ERICH6: variants seen among roughly 807,000 people sequenced by gnomAD.
ERICH6 encodes the protein glutamate-rich protein 6.
ERICH6 carries 71 observed loss-of-function variants against 71.0 expected under a neutral mutation model. The observed-to-expected ratio is 1.00, with a 90% CI of 0.83 to 1.22. ERICH6 has a LOEUF of 1.22. Among genes scored for constraint, ERICH6 ranks in the 50% most tolerant of loss-of-function variants. The pLI, the probability that ERICH6 is intolerant of heterozygous loss-of-function variation, is 0.00. For synonymous variants in ERICH6, 262 were observed against 278.4 expected (o/e 0.94, Z 0.59); for missense variants, 808 against 797.2 (o/e 1.01, Z -0.16).
At chr3:150,667,109 G>T in intron 12 of ERICH6, 94 bp from the exon 13 acceptor site, 2 of 1,153,856 alleles carry the variant, frequency 1.7e-6, no homozygotes, top group Non-Finnish European at 2.5e-6. Context: ...GGGAGTAACG[G>T]TTTATGCCAG....
At chr3:150,685,697 G>A in intron 6 of ERICH6, 45 bp downstream of exon 6, 2 of 1,361,148 alleles carry the variant, frequency 1.5e-6, no homozygotes, top group East Asian at 4.8e-5. Flanking sequence ...GTTTTCTTAT[G>A]TCATTTTTTT....
intron 7 of ERICH6, among the ~76,000 whole-genome samples, chr3:150,681,198 CCTT>C (rs1487026481): frequency 6.6e-6 from 1 of 152,212 alleles, no homozygotes; most frequent in Non-Finnish European, 1.5e-5. Flanking sequence ...CACTTCCTCT[CCTT>C]TCTTCTTCAC....
Position 150,682,472 on chromosome 3 carries a change from G to C in ERICH6, c.784-156C>G, listed in dbSNP as rs182933930. On this transcript the variant is annotated intron_variant, in intron 6 of 13. Coordinates refer to ENST00000295910, the MANE Select transcript of ERICH6 (RefSeq NM_152394.5). ...TGATATCACTTCCATTTAAGGGCTG[G>C]TGAGGCTTCAGGAGCCTGAGGTGGT... Among the ~76,000 whole-genome samples, 6 of 152,182 alleles carry C rather than the reference G, an allele frequency of 3.9e-5. No individual in the cohort carries two copies. In the South Asian group the frequency reaches 1.2e-3, roughly 32 times the overall value.
intron 11 of ERICH6, among the ~76,000 whole-genome samples, chr3:150,670,339 A>G (rs976596858): frequency 1.3e-5 from 2 of 151,850 alleles, no homozygotes; most frequent in African/African-American, 4.8e-5. Context: ...AAAAATAGCC[A>G]GGCATGGTGG....
At chr3:150,700,966 C>T (rs1171807019) in intron 2 of ERICH6, among the ~76,000 whole-genome samples, 1 of 152,174 alleles carries the variant, frequency 6.6e-6, no homozygotes, top group African/African-American at 2.4e-5. Context: ...ACTGGTTTGT[C>T]AACATAGAAG....
intron 12 of ERICH6, among the ~76,000 whole-genome samples, chr3:150,668,003 G>A (rs1257264859): frequency 1.3e-5 from 2 of 152,146 alleles, no homozygotes; most frequent in Non-Finnish European, 2.9e-5. Flanking sequence ...AAGTTACAGA[G>A]TATATACATA....
At chr3:150,695,593 G>A (rs1435011112) in intron 3 of ERICH6, among the ~76,000 whole-genome samples, 2 of 152,042 alleles carry the variant, frequency 1.3e-5, no homozygotes, top group African/African-American at 4.8e-5. Flanking sequence ...GCTTGAACCT[G>A]GGAGGCGGAG....
At chr3:150,660,610 A>G (rs895488272) in intron 13 of ERICH6, among the ~76,000 whole-genome samples, 2 of 152,190 alleles carry the variant, frequency 1.3e-5, no homozygotes, top group African/African-American at 4.8e-5. Flanking sequence ...CCCAACCTCC[A>G]GGAGGCCATT....
chr3:150,674,127 A>G lies in ERICH6; in HGVS notation c.1258-86T>C, dbSNP rs958441814. The G allele has an allele frequency of 3.8e-6, 4 of 1,039,924 alleles. No homozygotes were observed. In the African/African-American group the frequency reaches 6.5e-5, roughly 17 times the overall value. The allele number at this position is 1,039,924 out of a possible 1,614,324, so 64.4% of individuals were successfully genotyped here. ...CAACAATGGACATCAGCTGGTTACT[A>G]GACAGTCATACAAATCAATTATTAA... On this transcript the variant is annotated intron_variant, in intron 10 of 13. Coordinates refer to ENST00000295910, the MANE Select transcript of ERICH6 (RefSeq NM_152394.5).
At position 150,703,817 on chromosome 3, in the gene ERICH6, C is replaced by CTGA. The variant is rs1559924773; in HGVS notation, c.81_82insTCA (p.Glu27_Glu28insSer). 6.2e-7 allele frequency: 1 copy of CTGA among 1,613,638 alleles called. No homozygotes were observed. The highest frequency in any genetic ancestry group is 2.2e-5 in the East Asian group (1 of 44,858). On this transcript the variant is annotated inframe_insertion, in exon 1 of 14. Coordinates refer to ENST00000295910, the MANE Select transcript of ERICH6 (RefSeq NM_152394.5). ...TCCTCCACCTCTTCCTCCTCCTCCT[C>CTGA]CTCCTCTAACTCCTCCTCTGACTCC...
chr3:150,672,255 T>TTATATATATATA (rs929327217), intron 11 of ERICH6, among the ~76,000 whole-genome samples: 2 of 82,180 alleles, frequency 2.4e-5, no homozygotes, highest in African/African-American at 1.2e-4. Context: ...AAGAATCCAT[T>TTATATATATATA]TATATATACA....
chr3:150,702,046 A>T, intron 2 of ERICH6, 75 bp downstream of exon 2: 1 of 1,021,504 alleles, frequency 9.8e-7, no homozygotes, highest in Non-Finnish European at 1.5e-6. Flanking sequence ...ATTTTACTCT[A>T]CTTCCTAACA....
chr3:150,661,607 T>C (rs920910986), intron 13 of ERICH6, among the ~76,000 whole-genome samples: 1 of 152,164 alleles, frequency 6.6e-6, no homozygotes, highest in Non-Finnish European at 1.5e-5. Flanking sequence ...CCGAGGGACT[T>C]GAGAGAATAT....
intron 2 of ERICH6, among the ~76,000 whole-genome samples, chr3:150,699,142 CT>C (rs1051019079): frequency 1.2e-4 from 18 of 152,180 alleles, no homozygotes; most frequent in African/African-American, 4.1e-4. Context: ...GAGACCCTAT[CT>C]CTATAAAACA....
At chr3:150,701,286 A>G (rs1381417011) in intron 2 of ERICH6, among the ~76,000 whole-genome samples, 1 of 152,206 alleles carries the variant, frequency 6.6e-6, no homozygotes, top group African/African-American at 2.4e-5. Context: ...ATGTTAGAAA[A>G]ACTAAAAATA....
chr3:150,663,693 G>T (rs1426963457), intron 13 of ERICH6, among the ~76,000 whole-genome samples: 1 of 152,010 alleles, frequency 6.6e-6, no homozygotes, highest in Non-Finnish European at 1.5e-5. Context: ...GCCCAAGCTG[G>T]TCTCACACTC....
chr3:150,673,089 CTCCT>C (rs377475684), intron 11 of ERICH6, among the ~76,000 whole-genome samples: 9 of 150,698 alleles, frequency 6.0e-5, no homozygotes, highest in South Asian at 2.1e-4. Context: ...AGGGTAGTCT[CTCCT>C]TCCTTCCTTC....
intron 9 of ERICH6, among the ~76,000 whole-genome samples, chr3:150,680,097 T>C (rs780247259): frequency 1.3e-5 from 2 of 152,260 alleles, no homozygotes; most frequent in Non-Finnish European, 2.9e-5. Context: ...TGCTAATTTA[T>C]TTCAATGAAT....
chr3:150,674,270 A>C (rs1308527802), intron 10 of ERICH6, among the ~76,000 whole-genome samples: 1 of 152,118 alleles, frequency 6.6e-6, no homozygotes, highest in Non-Finnish European at 1.5e-5. Flanking sequence ...ATCTGACATT[A>C]CATATCTATT....
Sources: gnomAD v4.1 joint callset for allele counts (sites outside exome capture counted in the v4.1 genomes callset) on GRCh38, gnomAD v4.1.1 for gene constraint, MANE v1.5 for transcripts, NCBI Gene and HGNC (gene_info 2026-07-23, HGNC 2026-07-21) for gene names.